FRAS1: variants seen among roughly 807,000 people sequenced by gnomAD.
FRAS1 encodes the protein extracellular matrix organizing protein FRAS1.
Under a neutral mutation model 435.2 loss-of-function variants are expected in FRAS1, and 290 were observed. The observed-to-expected ratio is 0.67, with a 90% confidence interval of 0.61 to 0.73. FRAS1 has a LOEUF of 0.73. FRAS1 is among the 30% of genes least tolerant of loss of function. FRAS1 has a pLI of 0.00. For synonymous variants in FRAS1, 1,800 were observed against 1,851.0 expected (o/e 0.97, Z 0.71); for missense variants, 4,860 against 5,001.5 (o/e 0.97, Z 0.85).
intron 50 of FRAS1, among the ~76,000 whole-genome samples, chr4:78,469,434 C>A (rs553417476): frequency 5.4e-4 from 82 of 152,106 alleles, no homozygotes; most frequent in Non-Finnish European, 1.1e-3. Flanking sequence ...CTGCCCCTCA[C>A]CCTCATATAG....
chr4:78,309,107 G>A (rs1183758026), intron 15 of FRAS1, among the ~76,000 whole-genome samples: 1 of 152,174 alleles, frequency 6.6e-6, no homozygotes, highest in Non-Finnish European at 1.5e-5. Context: ...ACCAGAGGTC[G>A]GAGTGATAGA....
chr4:78,321,225 G>C (rs571197716), intron 18 of FRAS1, among the ~76,000 whole-genome samples: 8 of 152,292 alleles, frequency 5.3e-5, no homozygotes, highest in African/African-American at 1.9e-4. Flanking sequence ...CCAGCCTTAT[G>C]GGGTCAGTAG....
At chr4:78,538,467 G>A (rs1186776218) in intron 72 of FRAS1, among the ~76,000 whole-genome samples, 3 of 152,164 alleles carry the variant, frequency 2.0e-5, no homozygotes, top group African/African-American at 7.2e-5. Flanking sequence ...CAGAGTTAGT[G>A]TATTAGTCTG....
At chr4:78,218,753 C>T (rs977252058) in intron 2 of FRAS1, among the ~76,000 whole-genome samples, 2 of 152,174 alleles carry the variant, frequency 1.3e-5, no homozygotes, top group African/African-American at 4.8e-5. Context: ...CCACTTGTCA[C>T]CTGTGGGAGA....
chr4:78,285,282 C>T (rs1727530490), intron 13 of FRAS1, among the ~76,000 whole-genome samples: 1 of 150,840 alleles, frequency 6.6e-6, no homozygotes, highest in Non-Finnish European at 1.5e-5. Context: ...ATCTCTTGAA[C>T]CCTGGAGGTG....
chr4:78,385,742 G>C (rs936853767), intron 28 of FRAS1, among the ~76,000 whole-genome samples: 1 of 151,920 alleles, frequency 6.6e-6, no homozygotes, highest in Non-Finnish European at 1.5e-5. Context: ...AAAATTAGCC[G>C]GGCATGGTGG....
At chr4:78,127,699 C>T (rs148547970) in intron 2 of FRAS1, among the ~76,000 whole-genome samples, 84 of 151,672 alleles carry the variant, frequency 5.5e-4, no homozygotes, top group South Asian at 5.3e-3. Flanking sequence ...GGAAGAGGAT[C>T]GTTTAGAGGA....
chr4:78,392,780 A>G (rs1195810937), intron 29 of FRAS1, among the ~76,000 whole-genome samples: 2 of 151,964 alleles, frequency 1.3e-5, no homozygotes, highest in African/African-American at 2.4e-5. Flanking sequence ...GCAGGGATAT[A>G]TACATCATGT....
chr4:78,216,210 G>A (rs1026192872), intron 2 of FRAS1, among the ~76,000 whole-genome samples: 1 of 152,236 alleles, frequency 6.6e-6, no homozygotes, highest in African/African-American at 2.4e-5. Flanking sequence ...TCTTTCCCAT[G>A]AAATGGTTTA....
intron 30 of FRAS1, among the ~76,000 whole-genome samples, chr4:78,402,054 G>C (rs1429401566): frequency 1.3e-5 from 2 of 151,810 alleles, no homozygotes; most frequent in East Asian, 3.9e-4. Context: ...TTCAAATAAA[G>C]TAACAGTCTT....
At chr4:78,253,816 G>T (rs1410162874) in intron 5 of FRAS1, among the ~76,000 whole-genome samples, 1 of 152,152 alleles carries the variant, frequency 6.6e-6, no homozygotes, top group Non-Finnish European at 1.5e-5. Context: ...CCTTTGATAT[G>T]ATTCCATAAG....
chr4:78,124,031 A>AGG (rs1164630371), intron 2 of FRAS1, among the ~76,000 whole-genome samples: 1 of 152,074 alleles, frequency 6.6e-6, no homozygotes, highest in Non-Finnish European at 1.5e-5. Context: ...GGCGTGAGAC[A>AGG]GGGTATCCTT....
intron 19 of FRAS1, among the ~76,000 whole-genome samples, chr4:78,334,363 C>CTTTTTTTTTTT (rs1007481617): frequency 2.2e-5 from 2 of 92,270 alleles, no homozygotes; most frequent in Non-Finnish European, 4.2e-5. Context: ...AACCAATTTT[C>CTTTTTTTTTTT]TTTTTTTTTT....
At chr4:78,451,050 G>A (rs1024590967) in intron 45 of FRAS1, among the ~76,000 whole-genome samples, 1 of 152,136 alleles carries the variant, frequency 6.6e-6, no homozygotes, top group Non-Finnish European at 1.5e-5. Context: ...CATTGGAACT[G>A]GCTGTGCTTT....
At chr4:78,157,217 G>A (rs546949382) in intron 2 of FRAS1, among the ~76,000 whole-genome samples, 3 of 152,232 alleles carry the variant, frequency 2.0e-5, no homozygotes, top group South Asian at 4.1e-4. Flanking sequence ...TCTTTACCCA[G>A]TTCACCATTG....
At position 78,446,573 on chromosome 4, in the gene FRAS1, A is replaced by G. The variant is rs1560733164; in HGVS notation, c.5857-154A>G. 5.7e-6 allele frequency: 8 copies of G among 1,393,090 alleles called. No individual in the cohort carries two copies. The South Asian group carries it at 1.1e-4, about 18-fold the overall frequency. 86.3% of individuals were successfully genotyped at this position (1,393,090 alleles called of 1,614,324 possible). A position where few individuals can be genotyped will look rare whatever the true frequency, so the allele number is the denominator to read the frequency against. On this transcript the variant is annotated intron_variant, in intron 42 of 73. Transcript: ENST00000512123. ...GTTGCCTGGACTTGCTCTCTTTTCA[A>G]ACTAACTATTTTGCTTGGGAAGTAA...
intron 18 of FRAS1, among the ~76,000 whole-genome samples, chr4:78,324,031 G>C (rs542476650): frequency 6.6e-6 from 1 of 152,224 alleles, no homozygotes; most frequent in African/African-American, 2.4e-5. Context: ...CTGGACCACA[G>C]TTTGGAGAAG....
At chr4:78,118,001 G>A (rs1293621225) in intron 2 of FRAS1, among the ~76,000 whole-genome samples, 3 of 152,182 alleles carry the variant, frequency 2.0e-5, no homozygotes, top group Admixed American at 2.0e-4. Context: ...CGAACAGATG[G>A]GGTTTTGGTG....
intron 2 of FRAS1, chr4:78,181,924 G>A (rs1722026935): frequency 3.7e-6 from 6 of 1,609,082 alleles, no homozygotes; most frequent in African/African-American, 1.3e-5. Flanking sequence ...CACCCCTGCC[G>A]GCTTCTTTTT....
Sources: gnomAD v4.1 joint callset for allele counts (sites outside exome capture counted in the v4.1 genomes callset) on GRCh38, gnomAD v4.1.1 for gene constraint, MANE v1.5 for transcripts, NCBI Gene and HGNC (gene_info 2026-07-23, HGNC 2026-07-21) for gene names.